Variants in KIF6 observed in about 807,000 individuals in gnomAD.
KIF6 encodes kinesin-like protein KIF6.
A neutral mutation model predicts 112.7 loss-of-function variants in KIF6; 106 were observed. The observed-to-expected ratio is 0.94, with a 90% CI of 0.80 to 1.11. The LOEUF is 1.11. KIF6 is among the 50% of genes least tolerant of loss of function. The pLI is 0.00. For synonymous variants in KIF6, 339 were observed against 339.9 expected, an observed-to-expected ratio of 1.00 and a Z score of 0.03; for missense variants, 929 against 964.0, an observed-to-expected ratio of 0.96 and a Z score of 0.48.
In KIF6 at chr6:39,378,089, C is replaced by T. The variant is rs770511212; in HGVS notation, c.1861+7533G>A. On this transcript the variant is annotated intron_variant, in intron 16 of 22. Coordinates refer to ENST00000287152, the MANE Select transcript of KIF6 (RefSeq NM_145027.6). This position sits in a 1 kb window ranked among gnomAD's most constrained non-coding sequence, Gnocchi z 5.0. ...ACAGTATATGAAACATGCTCGCTGT[C>T]GAGGAAATGGGATGTTCCAGTAAGC... Among the ~76,000 whole-genome samples, 3 of 152,050 alleles carry T rather than the reference C, an allele frequency of 2.0e-5. No individual in the cohort carries two copies. The highest frequency in any genetic ancestry group is 1.3e-4 in the Admixed American group (2 of 15,276).
At chr6:39,597,602 A>G (rs1002926558) in intron 6 of KIF6, among the ~76,000 whole-genome samples, 6 of 152,228 alleles carry the variant, frequency 3.9e-5, no homozygotes, top group Non-Finnish European at 8.8e-5. Context: ...TTCCTTACAC[A>G]ATGCACACAA....
In KIF6 at chr6:39,342,965, G is replaced by A; in HGVS notation, c.2428+744C>T. The A allele has an allele frequency of 1.0e-6, 1 of 985,478 alleles. No individual in the cohort carries two copies. 61.0% of individuals were successfully genotyped at this position (985,478 alleles called of 1,614,324 possible). On this transcript the variant is annotated intron_variant, in intron 22 of 22. Transcript: ENST00000287152. This position sits in a 1 kb window ranked among gnomAD's most constrained non-coding sequence, Gnocchi z 4.7. ...GGTGGGGGCGCCTTTCTGGCAATGT[G>A]AAGGCAATGTTAAGCCTGCCTAGTA... is the stretch of plus-strand genomic sequence containing the variant.
rs746417960 is a variant in KIF6 at position 39,427,886 on chromosome 6, T to A, written c.1754+3167A>T. The stretch of plus-strand genomic sequence containing the variant: ...TCATCCCACTCAGCCCCGACCCAAA[T>A]CCCTGCTGAAAATAGACCTAAACTC... On this transcript the variant is annotated intron_variant, in intron 14 of 22. Coordinates refer to ENST00000287152, the MANE Select transcript of KIF6 (RefSeq NM_145027.6). 3.0e-4 allele frequency among the ~76,000 whole-genome samples: 46 copies of A among 152,228 alleles called. 1 individual carries two copies. In the South Asian group the frequency reaches 3.7e-3, roughly 12 times the overall value.
At chr6:39,540,727 A>G (rs1025017496) in intron 12 of KIF6, among the ~76,000 whole-genome samples, 13 of 152,378 alleles carry the variant, frequency 8.5e-5, no homozygotes, top group African/African-American at 3.1e-4. Context: ...ACAAAGGTTC[A>G]GCCAGAGCAC....
intron 15 of KIF6, among the ~76,000 whole-genome samples, chr6:39,405,797 A>C (rs1272128888): frequency 6.6e-6 from 1 of 152,202 alleles, no homozygotes; most frequent in Admixed American, 6.5e-5. Flanking sequence ...GAATACTACA[A>C]TGAAACTCTC....
At chr6:39,682,178 T>C (rs1427159556) in intron 3 of KIF6, among the ~76,000 whole-genome samples, 1 of 152,232 alleles carries the variant, frequency 6.6e-6, no homozygotes, top group African/African-American at 2.4e-5. Flanking sequence ...AAAGCATAAG[T>C]ACTGTTATGC....
intron 9 of KIF6, among the ~76,000 whole-genome samples, chr6:39,580,043 C>G (rs893671043): frequency 2.0e-5 from 3 of 151,918 alleles, no homozygotes; most frequent in African/African-American, 7.2e-5. Context: ...CTACCAAAGG[C>G]TCTCCTCAAA....
chr6:39,723,996 C>T (rs1036557535), intron 1 of KIF6, among the ~76,000 whole-genome samples: 18 of 152,146 alleles, frequency 1.2e-4, no homozygotes, highest in Non-Finnish European at 2.5e-4. Context: ...ACTCAGTTTC[C>T]TAATCTGTAA....
chr6:39,415,541 C>T (rs1405773256), intron 15 of KIF6, among the ~76,000 whole-genome samples: 1 of 152,130 alleles, frequency 6.6e-6, no homozygotes, highest in Non-Finnish European at 1.5e-5. Context: ...TGGTGTTGTC[C>T]TTGTAATTTG....
At chr6:39,472,729 C>A (rs1223835840) in intron 13 of KIF6, among the ~76,000 whole-genome samples, 3 of 152,196 alleles carry the variant, frequency 2.0e-5, no homozygotes, top group Non-Finnish European at 4.4e-5. Context: ...TGTGCTTTTA[C>A]AGATGAGCCC....
In KIF6 at chr6:39,346,086, C is replaced by CTCTCTCTCTCTCTCTCTCCCTCT. The variant is rs1326236666; in HGVS notation, c.2232-298_2232-297insAGAGGGAGAGAGAGAGAGAGAGA. On this transcript the variant is annotated intron_variant, in intron 20 of 22. Transcript: ENST00000287152. ...TCTCTCTCTCTCTCTCTCTCTCTCTCCCCCCCCTCTCCCTCCCCCCCTCCC... is the reference window on the plus strand; with the variant it reads ...TCTCTCTCTCTCTCTCTCTCTCTCTCTCTCTCTCTCTCTCTCTCCCTCTCCCCCCCTCTCCCTCCCCCCCTCCC... Among the ~76,000 whole-genome samples, 2 of 26,994 alleles carry CTCTCTCTCTCTCTCTCTCCCTCT rather than the reference C, an allele frequency of 7.4e-5. 1 individual carries two copies. Among genetic ancestry groups the CTCTCTCTCTCTCTCTCTCCCTCT allele is most frequent in the African/African-American group, 3.5e-4 (2 of 5,796 alleles). 17.7% of individuals were successfully genotyped at this position (26,994 alleles called of 152,430 possible). A position where few individuals can be genotyped will look rare whatever the true frequency, so the allele number is the denominator to read the frequency against.
At chr6:39,543,033 G>A (rs564176756) in intron 12 of KIF6, among the ~76,000 whole-genome samples, 14 of 152,292 alleles carry the variant, frequency 9.2e-5, no homozygotes, top group African/African-American at 3.4e-4. Flanking sequence ...CCACAGTGAA[G>A]GAGGGGAGGT....
intron 7 of KIF6, among the ~76,000 whole-genome samples, chr6:39,593,668 G>T (rs768818471): frequency 6.6e-6 from 1 of 152,176 alleles, no homozygotes; most frequent in Non-Finnish European, 1.5e-5. Flanking sequence ...GAATGTCATT[G>T]AGACTCTGAG....
chr6:39,333,262 G>A lies in KIF6; in HGVS notation c.*3270C>T, dbSNP rs1208938806. On this transcript the variant is annotated 3_prime_UTR_variant, in exon 23 of 23. Coordinates refer to ENST00000287152, the MANE Select transcript of KIF6 (RefSeq NM_145027.6). ...CTAGATCCAGTCATATACTGTCTCT[G>A]GGTTCCAATTTCTGTGCCAGTCTGC... is the stretch of plus-strand genomic sequence containing the variant. The A allele has an allele frequency of 1.3e-5, 2 of 152,184 alleles. No individual in the cohort carries two copies. Among genetic ancestry groups the A allele is most frequent in the Non-Finnish European group, 1.5e-5 (1 of 68,046 alleles). 9.4% of individuals were successfully genotyped at this position (152,184 alleles called of 1,614,324 possible).
chr6:39,665,217 T>G (rs552569671), intron 3 of KIF6, among the ~76,000 whole-genome samples: 1 of 152,176 alleles, frequency 6.6e-6, no homozygotes, highest in Non-Finnish European at 1.5e-5. Flanking sequence ...TATTCAGTTA[T>G]CCAAAGAGCC....
intron 4 of KIF6, among the ~76,000 whole-genome samples, chr6:39,639,359 G>A (rs1784791665): frequency 6.6e-6 from 1 of 152,016 alleles, no homozygotes; most frequent in South Asian, 2.1e-4. Flanking sequence ...TTCAACCTTC[G>A]TGCGTATATC....
Position 39,659,582 on chromosome 6 carries a change from G to A in KIF6, c.252-19825C>T, listed in dbSNP as rs1975849. On this transcript the variant is annotated intron_variant, in intron 3 of 22. Coordinates refer to ENST00000287152, the MANE Select transcript of KIF6 (RefSeq NM_145027.6). ...TGGGAGGTAAATGAATCATGGGGGCGGTTACCCCATGCTGTTCTTATGACA... is the reference window on the plus strand; with the variant it reads ...TGGGAGGTAAATGAATCATGGGGGCAGTTACCCCATGCTGTTCTTATGACA... Among the ~76,000 whole-genome samples the A allele has an allele frequency of 0.017, 2,538 of 152,136 alleles. 414 individuals carry two copies. In the East Asian group the frequency reaches 0.38, roughly 23 times the overall value.
chr6:39,520,525 G>A (rs1777331671), intron 13 of KIF6, among the ~76,000 whole-genome samples: 1 of 152,172 alleles, frequency 6.6e-6, no homozygotes. Context: ...ATAACCAAAA[G>A]CTAAGAACTC....
rs1471217892 is a variant in KIF6, at chr6:39,596,215, T to A, written c.685A>T (p.Ile229Phe). 4 of 1,614,050 alleles carry A rather than the reference T, an allele frequency of 2.5e-6. No individual in the cohort carries two copies. Among genetic ancestry groups the A allele is most frequent in the Non-Finnish European group, 2.5e-6 (3 of 1,179,970 alleles). ...ASTRSHCIFT[I>F]HLSSKEPGSA... ...CCTGGTTCCTTGCTTGACAAATGAA[T>A]GGTGAAAATGCAGTGGGAACGGGTT... The change falls in exon 7 of 23, where the codon ATT becomes TTT. Residue 229 changes from isoleucine (I) to phenylalanine (F), a missense_variant. Around this residue, in one of 2 missense-constraint regions of KIF6, gnomAD observed 688 missense variants for 662.7 expected, o/e 1.04. Coordinates refer to ENST00000287152, the MANE Select transcript of KIF6 (RefSeq NM_145027.6).
Sources: allele counts gnomAD v4.1 joint callset (sites outside exome capture counted in the v4.1 genomes callset), GRCh38; gene constraint gnomAD v4.1.1; regional missense constraint gnomAD v4.1.1; non-coding constraint Gnocchi (gnomAD v3.1); transcripts MANE v1.5; gene names NCBI Gene and HGNC (gene_info 2026-07-23, HGNC 2026-07-21).